Variants in TSHR observed in about 807,000 individuals in gnomAD.
TSHR encodes thyrotropin receptor.
TSHR carries 51 observed loss-of-function variants against 64.1 expected under a neutral mutation model. The ratio of observed to expected loss-of-function variants is 0.80; its 90% CI spans 0.64 to 1.01. TSHR has a LOEUF of 1.01. Ranked by LOEUF, TSHR falls within the 50% of genes least tolerant of loss-of-function variation. The pLI is 0.00. For synonymous variants in TSHR, 361 were observed against 361.9 expected (o/e 1.00, Z 0.03); for missense variants, 877 against 942.8 (o/e 0.93, Z 0.91).
chr14:81,042,023 C>T (rs971031287), intron 1 of TSHR, among the ~76,000 whole-genome samples: 3 of 151,938 alleles, frequency 2.0e-5, no homozygotes, highest in Non-Finnish European at 4.4e-5. Context: ...TCTGAAATGG[C>T]CAACAGGTAT....
chr14:81,123,029 A>T (rs1428907326), intron 8 of TSHR, among the ~76,000 whole-genome samples: 1 of 152,114 alleles, frequency 6.6e-6, no homozygotes, highest in African/African-American at 2.4e-5. Context: ...CGGGAGGTTG[A>T]GGCACGAGAA....
chr14:81,109,087 T>A, intron 8 of TSHR: 1 of 820,226 alleles, frequency 1.2e-6, no homozygotes, highest in Non-Finnish European at 1.6e-6. Context: ...TAGAATCTCA[T>A]CATTGAGCAT....
At chr14:80,967,199 T>G in intron 1 of TSHR, among the ~76,000 whole-genome samples, 1 of 149,754 alleles carries the variant, frequency 6.7e-6, no homozygotes, top group Non-Finnish European at 1.5e-5. Context: ...TATATATATA[T>G]ATATATATGC....
At chr14:81,051,563 A>G (rs543348139) in intron 1 of TSHR, 3 of 152,250 alleles carry the variant, frequency 2.0e-5, no homozygotes, top group African/African-American at 7.2e-5. Context: ...TTTGGGTGGC[A>G]TAGCTGGATC....
At chr14:81,114,511 C>T (rs1402641416) in intron 8 of TSHR, among the ~76,000 whole-genome samples, 2 of 152,230 alleles carry the variant, frequency 1.3e-5, no homozygotes, top group Non-Finnish European at 2.9e-5. Flanking sequence ...ATATCCCGCA[C>T]CTGGCTCGGA....
intron 6 of TSHR, among the ~76,000 whole-genome samples, chr14:81,092,837 C>T (rs180887025): frequency 7.7e-4 from 117 of 152,298 alleles, no homozygotes; most frequent in Non-Finnish European, 1.1e-3. Flanking sequence ...GTGGTTGGTA[C>T]ATTTTTCACG....
rs1000365424 is a variant in TSHR, at chr14:81,004,116, T to G, written c.170+48266T>G. Among the ~76,000 whole-genome samples, 3 of 152,210 alleles carry G rather than the reference T, an allele frequency of 2.0e-5. No homozygotes were observed. In the East Asian group the frequency reaches 5.8e-4, roughly 29 times the overall value. ...TTCTAAAATTATGGTTATGATACCC[T>G]AAATTGATTTTACAATCTACCAATG... On this transcript the variant is annotated intron_variant, in intron 1 of 9. Coordinates refer to ENST00000298171, the MANE Select transcript of TSHR (RefSeq NM_000369.5).
In TSHR at chr14:81,108,355, CTT is replaced by C. The variant is rs397972226; in HGVS notation, c.615-18_615-17del. The C allele has an allele frequency of 5.7e-6, 9 of 1,587,726 alleles. No individual in the cohort carries two copies. The African/African-American group carries it at 1.2e-4, about 21-fold the overall frequency. The stretch of plus-strand genomic sequence containing the variant: ...ATCACCTAATTCATTCTCTCTCTCT[CTT>C]TCTCTCTCTCCCTCTAGTTACCTAA... On this transcript the variant is annotated intron_variant, in intron 7 of 9. Transcript: ENST00000298171.
At chr14:80,975,192 G>T (rs1021482179) in intron 1 of TSHR, among the ~76,000 whole-genome samples, 1 of 152,180 alleles carries the variant, frequency 6.6e-6, no homozygotes, top group African/African-American at 2.4e-5. Flanking sequence ...GCAGGTTATT[G>T]TTTGTCACAT....
At chr14:81,065,981 G>C (rs1886580123) in intron 2 of TSHR, among the ~76,000 whole-genome samples, 1 of 152,158 alleles carries the variant, frequency 6.6e-6, no homozygotes. Context: ...ATGATTATAT[G>C]ATGTTTAAAT....
intron 1 of TSHR, among the ~76,000 whole-genome samples, chr14:80,958,610 G>GA (rs1175176215): frequency 1.3e-5 from 2 of 152,132 alleles, no homozygotes; most frequent in Non-Finnish European, 2.9e-5. Context: ...AGAGAGGCAA[G>GA]GAGGACAAGA....
chr14:80,969,109 G>C lies in TSHR; in HGVS notation c.170+13259G>C, dbSNP rs578085384. ...ACATAGAACACAATAGCATATGTTGGCTATTGATTCAGCTCATATCCTTTC... is the reference window on the plus strand; with the variant it reads ...ACATAGAACACAATAGCATATGTTGCCTATTGATTCAGCTCATATCCTTTC... On this transcript the variant is annotated intron_variant, in intron 1 of 9. Transcript: ENST00000298171. Among the ~76,000 whole-genome samples, 11 of 152,278 alleles carry C rather than the reference G, an allele frequency of 7.2e-5. No individual in the cohort carries two copies. In the East Asian group the frequency reaches 2.1e-3, roughly 29 times the overall value.
intron 1 of TSHR, among the ~76,000 whole-genome samples, chr14:81,033,906 C>A (rs1884489923): frequency 6.6e-6 from 1 of 152,134 alleles, no homozygotes; most frequent in Non-Finnish European, 1.5e-5. Flanking sequence ...GTAAAATGCA[C>A]CATTGATAAA....
At chr14:81,070,554 C>T (rs140767739) in intron 3 of TSHR, among the ~76,000 whole-genome samples, 15 of 122,310 alleles carry the variant, frequency 1.2e-4, no homozygotes, top group South Asian at 1.2e-3. Flanking sequence ...TGAACCTGGG[C>T]GGGAGAGGTT....
At chr14:81,131,715 A>C (rs1891257275) in intron 8 of TSHR, among the ~76,000 whole-genome samples, 1 of 151,986 alleles carries the variant, frequency 6.6e-6, no homozygotes, top group Admixed American at 6.6e-5. Flanking sequence ...CTATCTCCTC[A>C]ATGAGGCCTT....
intron 1 of TSHR, among the ~76,000 whole-genome samples, chr14:80,979,898 G>C (rs8003515): frequency 0.44 from 66,663 of 152,010 alleles, 15,651 homozygotes; most frequent in East Asian, 0.63. Flanking sequence ...ACACAGCAGT[G>C]AGGGTGATCA....
At chr14:81,025,607 C>T (rs1884009201) in intron 1 of TSHR, among the ~76,000 whole-genome samples, 1 of 151,970 alleles carries the variant, frequency 6.6e-6, no homozygotes, top group Non-Finnish European at 1.5e-5. Flanking sequence ...AAACTGGGAG[C>T]CCAGAAACTT....
In TSHR at chr14:80,955,872, G is replaced by C. The variant is rs201052465; in HGVS notation, c.170+22G>C. On this transcript the variant is annotated intron_variant, in intron 1 of 9. Transcript: ENST00000298171. ...CTCTGTGAGTACCCGGGAGAGATCA[G>C]GGTAGGACCCAGAGATCAAGGGCAT... The C allele has an allele frequency of 1.2e-4, 195 of 1,613,962 alleles. 1 individual carries two copies. The highest frequency in any genetic ancestry group is 4.9e-4 in the Middle Eastern group (3 of 6,084).
In TSHR at chr14:81,143,050, G is replaced by A. The variant is rs2140108907; in HGVS notation, c.992G>A (p.Gly331Asp). Residue 331 changes from glycine (G) to aspartate (D), a missense_variant, in exon 10 of 10, where the codon GGT becomes GAT. Gly to Asp is a moderately conservative substitution (Grantham distance 94). Transcript: ENST00000298171. The part of the protein sequence containing the change: ...PLHQEYEENL[G>D]DSIVGYKEKS... ...CACCAGGAATATGAAGAGAATCTGG[G>A]TGACAGCATTGTTGGGTACAAGGAA... 6.2e-7 allele frequency: 1 copy of A among 1,614,170 alleles called. No individual in the cohort carries two copies. The highest frequency in any genetic ancestry group is 8.5e-7 in the Non-Finnish European group (1 of 1,180,036).
Sources: allele counts gnomAD v4.1 joint callset (sites outside exome capture counted in the v4.1 genomes callset), GRCh38; gene constraint gnomAD v4.1.1; transcripts MANE v1.5; gene names NCBI Gene and HGNC (gene_info 2026-07-23, HGNC 2026-07-21).